Variants in C1orf94 observed in about 807,000 individuals in gnomAD.
C1orf94 encodes uncharacterized protein C1orf94.
C1orf94 carries 45 observed loss-of-function variants against 53.6 expected under a neutral mutation model. The ratio of observed to expected loss-of-function variants is 0.84; its 90% CI spans 0.66 to 1.08. The LOEUF is 1.08. Among genes scored for constraint, C1orf94 ranks in the 50% least tolerant of loss-of-function variants. C1orf94 has a pLI of 0.00. For missense variants in C1orf94, 762 were observed against 738.9 expected (o/e 1.03, Z -0.36); for synonymous variants, 304 against 296.1 (o/e 1.03, Z -0.27).
intron 2 of C1orf94, among the ~76,000 whole-genome samples, chr1:34,198,853 A>G (rs1234541963): frequency 6.6e-6 from 1 of 152,228 alleles, no homozygotes; most frequent in African/African-American, 2.4e-5. Context: ...TCTAGGAGCC[A>G]GAGGGCTTTA....
Position 34,202,121 on chromosome 1 carries a change from G to T in C1orf94, c.1308G>T (p.Pro436=). Residue 436 remains proline, a synonymous_variant, in exon 4 of 7, where the codon CCG becomes CCT. Coordinates refer to ENST00000488417, the MANE Select transcript of C1orf94 (RefSeq NM_001134734.2). ...APVTVADKNN[P]KYTGNVFTPH... ...TGACGGTTGCTGACAAGAACAACCCGAAGTACACAGGGAATGTTTTCACTC... is the reference window on the plus strand; with the variant it reads ...TGACGGTTGCTGACAAGAACAACCCTAAGTACACAGGGAATGTTTTCACTC... The T allele has an allele frequency of 6.2e-7, 1 of 1,614,086 alleles. No individual in the cohort carries two copies. The highest frequency in any genetic ancestry group is 8.5e-7 in the Non-Finnish European group (1 of 1,180,022).
At position 34,194,516 on chromosome 1, in the gene C1orf94, T is replaced by A. The variant is rs553908070; in HGVS notation, c.321-2709T>A. Among the ~76,000 whole-genome samples the A allele has an allele frequency of 1.5e-3, 221 of 152,276 alleles. 1 individual carries two copies. Among genetic ancestry groups the A allele is most frequent in the African/African-American group, 5.1e-3 (212 of 41,560 alleles). On this transcript the variant is annotated intron_variant, in intron 1 of 6. Coordinates refer to ENST00000488417, the MANE Select transcript of C1orf94 (RefSeq NM_001134734.2). ...AGCTACTTTGAGTATGTGCGTGTAA[T>A]ATTTGTATAAAATAAAGCAGAAAGC...
rs1440709511 is a variant in C1orf94 at position 34,218,924 on chromosome 1, C to CA, written c.*168dup. The CA allele has an allele frequency of 8.6e-6, 4 of 467,516 alleles. No homozygotes were observed. The East Asian group carries it at 1.3e-4, about 15-fold the overall frequency. The allele number at this position is 467,516 out of a possible 1,614,324, so 29.0% of individuals were successfully genotyped here. On this transcript the variant is annotated 3_prime_UTR_variant, in exon 7 of 7. Coordinates refer to ENST00000488417, the MANE Select transcript of C1orf94 (RefSeq NM_001134734.2). Reference sequence around the variant, plus strand: ...ATTCATCTATTGGCCAACACTGACACAAAAATAGCCCTCCTCACACATGGC... The same window carrying CA: ...ATTCATCTATTGGCCAACACTGACACAAAAAATAGCCCTCCTCACACATGGC...
At chr1:34,213,885 T>G (rs1642940098) in intron 6 of C1orf94, among the ~76,000 whole-genome samples, 1 of 152,022 alleles carries the variant, frequency 6.6e-6, no homozygotes, top group Non-Finnish European at 1.5e-5. Flanking sequence ...CTTCCTTCCT[T>G]CTTTCCTCCC....
intron 1 of C1orf94, among the ~76,000 whole-genome samples, chr1:34,187,769 ACCC>A (rs1304813112): frequency 3.2e-3 from 136 of 42,088 alleles, no homozygotes; most frequent in African/African-American, 9.1e-3. Flanking sequence ...GAATCCACCC[ACCC>A]CCCCCCCCCC....
At chr1:34,192,019 A>C (rs1347867220) in intron 1 of C1orf94, among the ~76,000 whole-genome samples, 1 of 152,184 alleles carries the variant, frequency 6.6e-6, no homozygotes, top group Non-Finnish European at 1.5e-5. Flanking sequence ...ACTGATTCTG[A>C]CTTGCTTCTT....
intron 1 of C1orf94, among the ~76,000 whole-genome samples, chr1:34,185,376 C>G (rs1310826693): frequency 6.6e-6 from 1 of 152,114 alleles, no homozygotes; most frequent in Non-Finnish European, 1.5e-5. Context: ...GACAGGGTTT[C>G]ACCATATTAG....
At chr1:34,191,042 T>C (rs1642472708) in intron 1 of C1orf94, among the ~76,000 whole-genome samples, 1 of 152,318 alleles carries the variant, frequency 6.6e-6, no homozygotes, top group East Asian at 1.9e-4. Context: ...TTTTCCTCTG[T>C]GTGACATGTT....
chr1:34,187,816 G>T (rs533608325), intron 1 of C1orf94, among the ~76,000 whole-genome samples: 1 of 107,656 alleles, frequency 9.3e-6, no homozygotes, highest in African/African-American at 3.7e-5. Flanking sequence ...TCTAGTTCTT[G>T]CCCAACTCAC....
chr1:34,175,190 A>AT (rs10608833), upstream of C1orf94, among the ~76,000 whole-genome samples: 6,009 of 133,032 alleles, frequency 0.045, 201 homozygotes, highest in Non-Finnish European at 0.069. Flanking sequence ...GCTGTATTTG[A>AT]TTTTTTTTTT....
intron 1 of C1orf94, among the ~76,000 whole-genome samples, chr1:34,185,764 AG>A (rs1642375632): frequency 6.6e-6 from 1 of 152,220 alleles, no homozygotes; most frequent in African/African-American, 2.4e-5. Context: ...CTTCTGAAGC[AG>A]GTCAACAGCA....
chr1:34,191,079 G>A (rs991664652), intron 1 of C1orf94, among the ~76,000 whole-genome samples: 1 of 152,182 alleles, frequency 6.6e-6, no homozygotes, highest in Non-Finnish European at 1.5e-5. Flanking sequence ...CATGGAGGTT[G>A]CAAGTCCCAA....
chr1:34,169,639 G>GAGAGAGAGAGAGAGAGAGA (rs1333033191), intron 1 of C1orf94, among the ~76,000 whole-genome samples: 1 of 142,972 alleles, frequency 7.0e-6, no homozygotes, highest in Non-Finnish European at 1.5e-5. Context: ...GAGAGAGTGA[G>GAGAGAGAGAGAGAGAGAGA]CAAATGGGAG....
intron 6 of C1orf94, among the ~76,000 whole-genome samples, chr1:34,214,481 A>G (rs1642949847): frequency 6.6e-6 from 1 of 152,166 alleles, no homozygotes; most frequent in South Asian, 2.1e-4. Flanking sequence ...CTAGGGGCCT[A>G]TGGGACAGAT....
chr1:34,171,067 C>A (rs758610083), intron 1 of C1orf94, among the ~76,000 whole-genome samples: 1 of 152,238 alleles, frequency 6.6e-6, no homozygotes, highest in Non-Finnish European at 1.5e-5. Flanking sequence ...CACAGCTCCT[C>A]TGTCTTCCCC....
chr1:34,213,894 C>CCTCCCTCCCTCTTTTCCTCT, intron 6 of C1orf94, among the ~76,000 whole-genome samples: 1 of 152,048 alleles, frequency 6.6e-6, no homozygotes, highest in African/African-American at 2.4e-5. Context: ...TTCTTTCCTC[C>CCTCCCTCCCTCTTTTCCTCT]CTCCCTCCCT....
intron 1 of C1orf94, among the ~76,000 whole-genome samples, chr1:34,194,590 T>G (rs1642550015): frequency 6.6e-6 from 1 of 152,182 alleles, no homozygotes; most frequent in African/African-American, 2.4e-5. Flanking sequence ...TATGTAACCA[T>G]TACCTGGCTT....
At chr1:34,182,031 A>G (rs1248324869) in intron 1 of C1orf94, among the ~76,000 whole-genome samples, 5 of 152,138 alleles carry the variant, frequency 3.3e-5, no homozygotes, top group African/African-American at 1.2e-4. Flanking sequence ...TCATCTCTAC[A>G]AAAAATACAA....
chr1:34,183,552 A>G (rs1642341510), intron 1 of C1orf94, among the ~76,000 whole-genome samples: 1 of 152,198 alleles, frequency 6.6e-6, no homozygotes, highest in Admixed American at 6.5e-5. Context: ...ACATCTGACA[A>G]CAATGACATT....
Sources: allele counts gnomAD v4.1 joint callset (sites outside exome capture counted in the v4.1 genomes callset), GRCh38; gene constraint gnomAD v4.1.1; transcripts MANE v1.5; gene names NCBI Gene and HGNC (gene_info 2026-07-23, HGNC 2026-07-21).